The following DNAH3 variants were observed in gnomAD, a reference collection of about 807,000 sequenced individuals.
DNAH3 encodes the protein dynein axonemal heavy chain 3.
A neutral mutation model predicts 432.5 loss-of-function variants in DNAH3; 332 were observed. That is an observed-to-expected ratio of 0.77 (90% CI 0.70 to 0.84). The LOEUF is 0.84. DNAH3 is among the 40% of genes least tolerant of loss of function. The probability of loss-of-function intolerance (pLI) is 0.00; values close to 1 mark genes in which losing one functional copy is unlikely to be tolerated. For missense variants in DNAH3, 4,861 were observed against 5,114.0 expected, an observed-to-expected ratio of 0.95 and a Z score of 1.51; for synonymous variants, 1,956 against 1,900.2, an observed-to-expected ratio of 1.03 and a Z score of -0.76.
At chr16:21,067,181 A>G in intron 24 of DNAH3, 102 bp downstream of exon 24, 1 of 1,263,496 alleles carries the variant, frequency 7.9e-7, no homozygotes, top group South Asian at 1.2e-5. Flanking sequence ...AGGAAAGAGT[A>G]TGGACTAGAT....
At chr16:20,944,744 A>G in intron 57 of DNAH3, 81 bp from the exon 58 acceptor site, 16 of 1,362,650 alleles carry the variant, frequency 1.2e-5, no homozygotes, top group Non-Finnish European at 1.7e-5. Context: ...GAACCCAATC[A>G]GAACAGGAAT....
At chr16:20,948,563 A>G in exon 57 of DNAH3, 1 of 1,614,136 alleles carries the variant, frequency 6.2e-7, no homozygotes, top group Non-Finnish European at 8.5e-7. Context: ...TCCTTACAGT[A>G]GAACATGGAC....
At chr16:21,033,730 C>G (rs1318918338) in intron 36 of DNAH3, among the ~76,000 whole-genome samples, 3 of 152,182 alleles carry the variant, frequency 2.0e-5, no homozygotes, top group Non-Finnish European at 4.4e-5. Flanking sequence ...AACCACTGCT[C>G]AGCATTTGAG....
At chr16:21,113,908 C>T (rs2092129153) in intron 12 of DNAH3, among the ~76,000 whole-genome samples, 1 of 152,206 alleles carries the variant, frequency 6.6e-6, no homozygotes. Flanking sequence ...CCTCCTTACC[C>T]TTGGGGATAT....
At chr16:21,146,353 C>T (rs537434989) in intron 1 of DNAH3, among the ~76,000 whole-genome samples, 17 of 152,180 alleles carry the variant, frequency 1.1e-4, no homozygotes, top group East Asian at 9.7e-4. Flanking sequence ...GTCAGGAGTT[C>T]GAGACCAGCC....
At chr16:21,000,061 A>C (rs1357574637) in intron 43 of DNAH3, among the ~76,000 whole-genome samples, 163 bp downstream of exon 43, 1 of 151,970 alleles carries the variant, frequency 6.6e-6, no homozygotes, top group Non-Finnish European at 1.5e-5. Context: ...AGGAAGGAGA[A>C]AAAGAAGAGG....
At chr16:21,068,421 C>T (rs1245335166) in intron 23 of DNAH3, among the ~76,000 whole-genome samples, 2 of 151,704 alleles carry the variant, frequency 1.3e-5, no homozygotes, top group Admixed American at 6.6e-5. Flanking sequence ...CTCAAGGGAT[C>T]CTCCTGCCTC....
intron 9 of DNAH3, 81 bp from the exon 11 acceptor site, chr16:21,122,205 A>G: frequency 8.4e-7 from 1 of 1,188,118 alleles, no homozygotes; most frequent in Non-Finnish European, 1.2e-6. Flanking sequence ...ACATTCATAG[A>G]ACTACATGAG....
exon 20 of DNAH3, chr16:21,081,664 C>T (rs777253160): frequency 5.6e-6 from 9 of 1,613,412 alleles, no homozygotes; most frequent in Admixed American, 3.3e-5. Flanking sequence ...AATCCAAATT[C>T]GAGCATATTT....
At chr16:21,131,460 G>GAAGAAAGAAAGAAAGAAGGAAAGA (rs2092556672) in intron 7 of DNAH3, among the ~76,000 whole-genome samples, 2 of 38,010 alleles carry the variant, frequency 5.3e-5, no homozygotes, top group East Asian at 9.8e-4. Flanking sequence ...GGAAAGAAAG[G>GAAGAAAGAAAGAAAGAAGGAAAGA]AAGGAAGGAA....
At chr16:21,088,549 C>T (rs1467771873) in intron 18 of DNAH3, among the ~76,000 whole-genome samples, 2 of 152,268 alleles carry the variant, frequency 1.3e-5, no homozygotes, top group South Asian at 4.1e-4. Context: ...GAGAGAAGAA[C>T]ATAAAATAAT....
intron 51 of DNAH3, 100 bp from the exon 52 acceptor site, chr16:20,970,090 C>A: frequency 9.0e-7 from 1 of 1,111,024 alleles, no homozygotes; most frequent in Admixed American, 1.8e-5. Flanking sequence ...GGAAGAGGTG[C>A]TTCCTCTTCC....
At chr16:20,986,592 T>C (rs11644828) in intron 47 of DNAH3, among the ~76,000 whole-genome samples, 45,840 of 152,058 alleles carry the variant, frequency 0.3, 7,279 homozygotes, top group Middle Eastern at 0.35. Flanking sequence ...ATTAAAACAT[T>C]GGTGATCAGT....
At position 20,944,609 on chromosome 16, in the gene DNAH3, C is replaced by T. The variant is rs138416121; in HGVS notation, c.11398G>A (p.Gly3800Ser). The change falls in exon 58 of 62, where the codon GGC becomes AGC. Residue 3800 changes from glycine to serine, a missense_variant. Physicochemically the swap from Gly to Ser is moderately conservative, Grantham distance 56. Transcript: ENST00000261383. ...GTGATGTCTGCGTTCTCATGGAGGCCGAACACTTCTGGGTGGGCTGTGATG... is the reference window on the plus strand; with the variant it reads ...GTGATGTCTGCGTTCTCATGGAGGCTGAACACTTCTGGGTGGGCTGTGATG... 25 of 1,614,026 alleles carry T rather than the reference C, an allele frequency of 1.5e-5. No individual in the cohort carries two copies. Among genetic ancestry groups the T allele is most frequent in the East Asian group, 1.3e-4 (6 of 44,882 alleles).
At chr16:21,004,423 A>G (rs1376923248) in intron 41 of DNAH3, among the ~76,000 whole-genome samples, 1 of 151,728 alleles carries the variant, frequency 6.6e-6, no homozygotes, top group Admixed American at 6.6e-5. Context: ...GCTGGAGTGC[A>G]GTGACATGAT....
intron 12 of DNAH3, among the ~76,000 whole-genome samples, chr16:21,112,323 C>A (rs77514697): frequency 0.041 from 6,221 of 152,226 alleles, 186 homozygotes; most frequent in East Asian, 0.18. Context: ...CAAGATATTT[C>A]AGTTTTTCAA....
chr16:20,976,883 T>G (rs1225154004), intron 50 of DNAH3, among the ~76,000 whole-genome samples: 1 of 152,196 alleles, frequency 6.6e-6, no homozygotes, highest in Admixed American at 6.5e-5. Flanking sequence ...CTTCCCAGCC[T>G]CCAGAACTAT....
intron 1 of DNAH3, among the ~76,000 whole-genome samples, chr16:21,157,330 T>G (rs2092905041): frequency 7.1e-6 from 1 of 140,996 alleles, no homozygotes; most frequent in Non-Finnish European, 1.5e-5. Context: ...AACCCTGTGA[T>G]TGCTTCTTTT....
intron 8 of DNAH3, among the ~76,000 whole-genome samples, 181 bp from the exon 10 acceptor site, chr16:21,125,551 G>T (rs1268268201): frequency 3.3e-5 from 5 of 152,224 alleles, no homozygotes; most frequent in Non-Finnish European, 7.3e-5. Flanking sequence ...TGGGAAGAAA[G>T]TAATAAGATT....
Sources: allele counts gnomAD v4.1 joint callset (sites outside exome capture counted in the v4.1 genomes callset), GRCh38; gene constraint gnomAD v4.1.1; transcripts MANE v1.5; gene names NCBI Gene and HGNC (gene_info 2026-07-23, HGNC 2026-07-21).